The following CC2D2B variants were observed in gnomAD, a reference collection of about 807,000 sequenced individuals.
CC2D2B encodes protein CC2D2B.
A neutral mutation model predicts 161.2 loss-of-function variants in CC2D2B; 128 were observed. The ratio of observed to expected loss-of-function variants is 0.79; its 90% CI spans 0.69 to 0.92. The LOEUF (loss-of-function observed/expected upper bound fraction) is 0.92, where lower values mean the gene tolerates loss of function less well. Ranked by LOEUF, CC2D2B falls within the 40% of genes least tolerant of loss-of-function variation. The pLI, the probability that CC2D2B is intolerant of heterozygous loss-of-function variation, is 0.00. For missense variants in CC2D2B, 1,173 were observed against 1,375.1 expected (o/e 0.85, Z 2.32); for synonymous variants, 391 against 449.8 (o/e 0.87, Z 1.65).
At chr10:95,999,510 TC>T (rs1385730046) in intron 24 of CC2D2B, among the ~76,000 whole-genome samples, 3 of 152,088 alleles carry the variant, frequency 2.0e-5, no homozygotes, top group African/African-American at 7.2e-5. Context: ...AGAGGGACTA[TC>T]TTCAAACCAG....
At position 96,032,017 on chromosome 10, in the gene CC2D2B, C is replaced by G; in HGVS notation, c.*9C>G. On this transcript the variant is annotated 3_prime_UTR_variant, in exon 35 of 35. Coordinates refer to ENST00000646931, the MANE Select transcript of CC2D2B (RefSeq NM_001349008.3). The stretch of plus-strand genomic sequence containing the variant: ...TAGTTCAACATCAATGAAAAGGAAG[C>G]AGAGCAAAGTAAAAGATTGTACTAT... 1 of 1,604,984 alleles carries G rather than the reference C, an allele frequency of 6.2e-7. No homozygotes were observed. Among genetic ancestry groups the G allele is most frequent in the Non-Finnish European group, 8.5e-7 (1 of 1,173,366 alleles).
intron 22 of CC2D2B, among the ~76,000 whole-genome samples, chr10:95,993,950 GTGTATATATATATATATATA>G (rs2078116117): frequency 2.2e-4 from 3 of 13,720 alleles, no homozygotes; most frequent in East Asian, 1.5e-3. Context: ...GTGTATGTAT[GTGTATATATATATATATATA>G]TATATATATA....
intron 16 of CC2D2B, 123 bp downstream of exon 16, chr10:95,972,339 T>G: frequency 1.4e-6 from 1 of 699,828 alleles, no homozygotes; most frequent in Non-Finnish European, 2.0e-6. Flanking sequence ...TTTGTTTGTT[T>G]GTTTGTTTGA....
At chr10:95,987,386 T>A (rs1269271709) in intron 19 of CC2D2B, among the ~76,000 whole-genome samples, 1 of 152,192 alleles carries the variant, frequency 6.6e-6, no homozygotes, top group Non-Finnish European at 1.5e-5. Context: ...AAATAAAAGT[T>A]GTTACTTGCA....
intron 15 of CC2D2B, 88 bp downstream of exon 15, chr10:95,968,989 A>G: frequency 3.8e-6 from 2 of 527,968 alleles, no homozygotes; most frequent in Non-Finnish European, 5.8e-6. Flanking sequence ...TGTGATAAGT[A>G]ATTTCTTTGA....
chr10:96,033,482 G>A lies in CC2D2B; in HGVS notation c.*1474G>A, dbSNP rs1270530213. Among the ~76,000 whole-genome samples the A allele has an allele frequency of 1.3e-5, 2 of 152,124 alleles. No homozygotes were observed. Among genetic ancestry groups the A allele is most frequent in the Non-Finnish European group, 1.5e-5 (1 of 68,014 alleles). On this transcript the variant is annotated 3_prime_UTR_variant, in exon 35 of 35. Coordinates refer to ENST00000646931, the MANE Select transcript of CC2D2B (RefSeq NM_001349008.3). ...AATGTGAAGTTTTATTATTAAACAA[G>A]TCCCCCACTTTGATTGATTTAGCAC... is the stretch of plus-strand genomic sequence containing the variant.
Position 95,974,086 on chromosome 10 carries a change from T to C in CC2D2B, c.1873T>C (p.Ser625Pro). The change falls in exon 17 of 35, where the codon TCA (serine) becomes CCA (proline). Residue 625 changes from serine to proline, a missense_variant. Coordinates refer to ENST00000646931, the MANE Select transcript of CC2D2B (RefSeq NM_001349008.3). ...ATCAGGAAAACTTAGCTATTCTCTATCATGGAGCTTAGATGAAAATGGTCT... is the reference window on the plus strand; with the variant it reads ...ATCAGGAAAACTTAGCTATTCTCTACCATGGAGCTTAGATGAAAATGGTCT... ...LTSGKLSYSLSWSLDENGLPL... is the reference protein window; with the variant it reads ...LTSGKLSYSLPWSLDENGLPL... 8.1e-7 allele frequency: 1 copy of C among 1,230,414 alleles called. No individual in the cohort carries two copies. Among genetic ancestry groups the C allele is most frequent in the Non-Finnish European group, 1.0e-6 (1 of 986,422 alleles). The allele number at this position is 1,230,414 out of a possible 1,614,324, so 76.2% of individuals were successfully genotyped here. A position where few individuals can be genotyped will look rare whatever the true frequency, so the allele number is the denominator to read the frequency against.
intron 31 of CC2D2B, 158 bp downstream of exon 31, chr10:96,019,495 A>T: frequency 2.4e-6 from 2 of 828,762 alleles, no homozygotes; most frequent in South Asian, 1.8e-5. Flanking sequence ...CCTCCAGGTG[A>T]TTGTGTAGTG....
chr10:95,932,447 A>G (rs945342573), intron 6 of CC2D2B, among the ~76,000 whole-genome samples: 1 of 152,152 alleles, frequency 6.6e-6, no homozygotes, highest in Admixed American at 6.5e-5. Context: ...TATTTTGCCT[A>G]TTAGTTGATG....
At chr10:95,991,890 C>G (rs2077971861) in intron 21 of CC2D2B, among the ~76,000 whole-genome samples, 1 of 152,150 alleles carries the variant, frequency 6.6e-6, no homozygotes, top group Admixed American at 6.5e-5. Context: ...CCACAGGCAG[C>G]AGTTGGGGGA....
intron 31 of CC2D2B, 44 bp downstream of exon 31, chr10:96,019,381 G>A: frequency 1.9e-6 from 3 of 1,551,036 alleles, no homozygotes; most frequent in Non-Finnish European, 2.6e-6. Context: ...CTCCTCTAGA[G>A]TCACCCTGGC....
intron 2 of CC2D2B, among the ~76,000 whole-genome samples, chr10:95,913,066 T>C (rs1566302279): frequency 6.6e-6 from 1 of 152,156 alleles, no homozygotes; most frequent in Non-Finnish European, 1.5e-5. Context: ...ATCGTATTCA[T>C]TGCATTGTAC....
chr10:95,947,113 ATTTTTTTTTTTTTTTTT>A, intron 9 of CC2D2B, among the ~76,000 whole-genome samples: 1 of 48,386 alleles, frequency 2.1e-5, no homozygotes, highest in African/African-American at 9.3e-5. Flanking sequence ...ATATATATAT[ATTTTTTTTTTTTTTTTT>A]GAGACAAAGT....
At chr10:96,026,861 A>C (rs563999257) in intron 33 of CC2D2B, among the ~76,000 whole-genome samples, 2 of 152,112 alleles carry the variant, frequency 1.3e-5, no homozygotes, top group Admixed American at 6.5e-5. Flanking sequence ...GGTGGCTTAC[A>C]CCTGTAATCC....
At chr10:96,005,063 A>T (rs2078685143) in intron 25 of CC2D2B, among the ~76,000 whole-genome samples, 1 of 152,252 alleles carries the variant, frequency 6.6e-6, no homozygotes, top group Non-Finnish European at 1.5e-5. Flanking sequence ...TAAATCAACC[A>T]TGATAAATGC....
intron 19 of CC2D2B, among the ~76,000 whole-genome samples, chr10:95,985,890 A>G (rs1037552361): frequency 3.9e-5 from 6 of 152,262 alleles, no homozygotes; most frequent in African/African-American, 1.4e-4. Flanking sequence ...ACAGGATGAA[A>G]TAAGCCCCGG....
In CC2D2B at chr10:95,979,618, C is replaced by T. The variant is rs568411637; in HGVS notation, c.1944-2357C>T. ...GCCCAGCAAGCCCACAGTGCTATCC[C>T]CACTCACCACTCTGCCTTTCTTTTC... On this transcript the variant is annotated intron_variant, in intron 17 of 34. Coordinates refer to ENST00000646931, the MANE Select transcript of CC2D2B (RefSeq NM_001349008.3). 3.7e-4 allele frequency among the ~76,000 whole-genome samples: 56 copies of T among 152,298 alleles called. No individual in the cohort carries two copies. The South Asian group carries it at 7.9e-3, about 21-fold the overall frequency.
intron 10 of CC2D2B, chr10:95,950,422 A>G (rs566047865): frequency 1.2e-5 from 2 of 167,192 alleles, no homozygotes; most frequent in East Asian, 3.2e-4. Flanking sequence ...AAGTATTTTA[A>G]TTAAAATATT....
intron 17 of CC2D2B, among the ~76,000 whole-genome samples, chr10:95,975,328 C>T (rs2077275241): frequency 6.6e-6 from 1 of 152,072 alleles, no homozygotes; most frequent in Non-Finnish European, 1.5e-5. Flanking sequence ...TTCATAAATG[C>T]TTTTCTTCGG....
Sources: gnomAD v4.1 joint callset for allele counts (sites outside exome capture counted in the v4.1 genomes callset) on GRCh38, gnomAD v4.1.1 for gene constraint, MANE v1.5 for transcripts, NCBI Gene and HGNC (gene_info 2026-07-23, HGNC 2026-07-21) for gene names.